Variants in DTNA observed in about 807,000 individuals in gnomAD.
DTNA encodes dystrophin-related protein 3.
DTNA carries 43 observed loss-of-function variants against 100.7 expected under a neutral mutation model. That is an observed-to-expected ratio of 0.43 (90% CI 0.33 to 0.55). The LOEUF (loss-of-function observed/expected upper bound fraction) is 0.55. Ranked by LOEUF, DTNA falls within the 20% of genes least tolerant of loss-of-function variation. The pLI is 0.04. For synonymous variants in DTNA, 349 were observed against 347.9 expected, an observed-to-expected ratio of 1.00 and a Z score of -0.04; for missense variants, 798 against 953.9, an observed-to-expected ratio of 0.84 and a Z score of 2.15.
chr18:34,749,066 T>C (rs976689564), intron 1 of DTNA, among the ~76,000 whole-genome samples: 1 of 152,184 alleles, frequency 6.6e-6, no homozygotes, highest in Admixed American at 6.5e-5. Context: ...TTTTATTTTA[T>C]TTTATTTGCA....
chr18:34,654,927 A>G (rs1304293929), intron 1 of DTNA, among the ~76,000 whole-genome samples: 1 of 152,086 alleles, frequency 6.6e-6, no homozygotes, highest in Non-Finnish European at 1.5e-5. Flanking sequence ...GGATTTCACC[A>G]TGTTGGCCAA....
chr18:34,890,011 A>G lies in DTNA; in HGVS notation c.*2277A>G. 1.6e-6 allele frequency: 2 copies of G among 1,231,824 alleles called. No individual in the cohort carries two copies. The highest frequency in any genetic ancestry group is 2.4e-5 in the South Asian group (1 of 41,332). The allele number at this position is 1,231,824 out of a possible 1,614,324, so 76.3% of individuals were successfully genotyped here. The stretch of plus-strand genomic sequence containing the variant: ...GCTACCTATAATGCTGTCAGCTCAA[A>G]ATCATAGCCAGGTAGTTCTTGAACT... On this transcript the variant is annotated 3_prime_UTR_variant, in exon 23 of 23. Transcript: ENST00000444659.
At chr18:34,738,464 A>G (rs529741861) in intron 1 of DTNA, among the ~76,000 whole-genome samples, 10 of 151,712 alleles carry the variant, frequency 6.6e-5, no homozygotes, top group Non-Finnish European at 1.0e-4. Context: ...TTTAAAACAA[A>G]GATGCCCATA....
chr18:34,746,289 A>G (rs73422384), intron 1 of DTNA, among the ~76,000 whole-genome samples: 1,926 of 152,066 alleles, frequency 0.013, 47 homozygotes, highest in African/African-American at 0.044. Flanking sequence ...AAACAGATAT[A>G]TTTTCATGAA....
chr18:34,608,250 T>C (rs2053530956), intron 1 of DTNA, among the ~76,000 whole-genome samples: 1 of 152,236 alleles, frequency 6.6e-6, no homozygotes, highest in African/African-American at 2.4e-5. Context: ...GCCTGACCTA[T>C]GATGACATGG....
intron 16 of DTNA, among the ~76,000 whole-genome samples, chr18:34,860,220 G>GT (rs55673388): frequency 0.027 from 2,207 of 80,374 alleles, 194 homozygotes; most frequent in Non-Finnish European, 0.031. Context: ...CTAATTTTTT[G>GT]TTTTTTTTTT....
intron 1 of DTNA, among the ~76,000 whole-genome samples, chr18:34,728,607 C>T (rs1195635949): frequency 6.6e-6 from 1 of 152,056 alleles, no homozygotes; most frequent in African/African-American, 2.4e-5. Flanking sequence ...ATGTAAATAA[C>T]AAGGACTTGG....
rs190235282 is a variant in DTNA at position 34,495,364 on chromosome 18, G to C, written c.-2+1850G>C. On this transcript the variant is annotated intron_variant, in intron 1 of 19. Transcript: ENST00000283365. Reference sequence around the variant, plus strand: ...AGTTGCATGTCCTACAATGATTAAAGTTGCATTTCACCATAAAGTTGAGAT... The same window carrying C: ...AGTTGCATGTCCTACAATGATTAAACTTGCATTTCACCATAAAGTTGAGAT... Among the ~76,000 whole-genome samples the C allele has an allele frequency of 7.0e-4, 107 of 152,306 alleles. 1 individual carries two copies. The highest frequency in any genetic ancestry group is 2.5e-3 in the African/African-American group (104 of 41,558).
intron 1 of DTNA, among the ~76,000 whole-genome samples, chr18:34,584,351 A>C (rs1435934065): frequency 3.9e-5 from 6 of 152,232 alleles, no homozygotes; most frequent in Non-Finnish European, 8.8e-5. Flanking sequence ...TGGAGAGAAC[A>C]GAAAGCTGTT....
intron 1 of DTNA, among the ~76,000 whole-genome samples, chr18:34,715,818 G>C (rs2083932182): frequency 6.6e-6 from 1 of 152,144 alleles, no homozygotes; most frequent in African/African-American, 2.4e-5. Flanking sequence ...AAGAGAAAAA[G>C]TGAATATCCA....
intron 11 of DTNA, among the ~76,000 whole-genome samples, chr18:34,836,503 C>T (rs2096148604): frequency 6.6e-6 from 1 of 151,930 alleles, no homozygotes; most frequent in Non-Finnish European, 1.5e-5. Flanking sequence ...CAAAAATTAG[C>T]CAGGTGTGGT....
chr18:34,743,451 C>T (rs1384679638), intron 1 of DTNA, among the ~76,000 whole-genome samples: 2 of 151,824 alleles, frequency 1.3e-5, no homozygotes, highest in African/African-American at 2.4e-5. Context: ...TTTATATCAG[C>T]CTAGGATATC....
chr18:34,732,922 G>T lies in DTNA; in HGVS notation c.-2+22477G>T, dbSNP rs756327408. Among the ~76,000 whole-genome samples, 3 of 152,136 alleles carry T rather than the reference G, an allele frequency of 2.0e-5. No individual in the cohort carries two copies. In the South Asian group the frequency reaches 6.2e-4, roughly 32 times the overall value. ...GAAATGACCACAGGATGAGTCCGGG[G>T]ATCCTCTGGACTCACTGTAAGTCAG... is the stretch of plus-strand genomic sequence containing the variant. On this transcript the variant is annotated intron_variant, in intron 1 of 22. Transcript: ENST00000444659.
At chr18:34,716,861 C>T (rs2084187746) in intron 1 of DTNA, among the ~76,000 whole-genome samples, 1 of 152,170 alleles carries the variant, frequency 6.6e-6, no homozygotes, top group Non-Finnish European at 1.5e-5. Context: ...TAAGAAGTCT[C>T]ATATCAAGTG....
chr18:34,851,014 G>A (rs1272111498), intron 14 of DTNA, among the ~76,000 whole-genome samples: 2 of 152,178 alleles, frequency 1.3e-5, no homozygotes, highest in Non-Finnish European at 2.9e-5. Flanking sequence ...AAAATTACAT[G>A]TGTGAATAAA....
chr18:34,612,361 G>C (rs934439428), intron 1 of DTNA, among the ~76,000 whole-genome samples: 1 of 152,150 alleles, frequency 6.6e-6, no homozygotes, highest in Admixed American at 6.5e-5. Context: ...CATGCACATA[G>C]GACAGTGGGC....
chr18:34,801,726 G>A lies in DTNA; in HGVS notation c.363-4493G>A, dbSNP rs116958956. Among the ~76,000 whole-genome samples, 984 of 152,046 alleles carry A rather than the reference G, an allele frequency of 6.5e-3. 8 individuals are homozygous for A. The highest frequency in any genetic ancestry group is 0.024 in the Middle Eastern group (7 of 294). ...GGTTTTCACCATGTTGGCCAGGATG[G>A]TCTTGATCACCTGGCCTCTTGTTCT... is the stretch of plus-strand genomic sequence containing the variant. On this transcript the variant is annotated intron_variant, in intron 4 of 22. Transcript: ENST00000444659.
chr18:34,503,437 A>C (rs1291487220), intron 1 of DTNA, among the ~76,000 whole-genome samples: 2 of 151,306 alleles, frequency 1.3e-5, no homozygotes, highest in Admixed American at 1.3e-4. Context: ...ACAGGTGCCC[A>C]CCATCACACC....
intron 1 of DTNA, among the ~76,000 whole-genome samples, chr18:34,605,112 CCAG>C (rs2052745729): frequency 6.8e-6 from 1 of 146,412 alleles, no homozygotes; most frequent in African/African-American, 2.6e-5. Flanking sequence ...ATTTAGAAAA[CCAG>C]CAAAAAAAAA....
Sources: gnomAD v4.1 joint callset for allele counts (sites outside exome capture counted in the v4.1 genomes callset) on GRCh38, gnomAD v4.1.1 for gene constraint, MANE v1.5 for transcripts, NCBI Gene and HGNC (gene_info 2026-07-23, HGNC 2026-07-21) for gene names.